Variants in TBCD observed in about 807,000 individuals in gnomAD.
TBCD encodes tubulin-specific chaperone D.
Under a neutral mutation model 169.3 loss-of-function variants are expected in TBCD, and 105 were observed. That is an observed-to-expected ratio of 0.62 (90% CI 0.53 to 0.73). TBCD has a LOEUF of 0.73. Ranked by LOEUF, TBCD falls within the 30% of genes least tolerant of loss-of-function variation. TBCD has a pLI of 0.00. For synonymous variants in TBCD, 700 were observed against 643.9 expected (o/e 1.09, Z -1.32); for missense variants, 1,444 against 1,600.1 (o/e 0.90, Z 1.66).
chr17:82,752,492 G>T, intron 1 of TBCD, 115 bp downstream of exon 1: 1 of 856,256 alleles, frequency 1.2e-6, no homozygotes, highest in Non-Finnish European at 1.5e-6. Flanking sequence ...TGCGAGGGCT[G>T]CCGGTGCGCG....
chr17:82,891,482 G>A (rs2059132580), intron 16 of TBCD, among the ~76,000 whole-genome samples: 1 of 152,246 alleles, frequency 6.6e-6, no homozygotes, highest in African/African-American at 2.4e-5. Flanking sequence ...AGAAATGCAA[G>A]ACGCGCAGGT....
At chr17:82,939,553 C>T in intron 37 of TBCD, 77 bp downstream of exon 37, 9 of 1,193,146 alleles carry the variant, frequency 7.5e-6, no homozygotes, top group Non-Finnish European at 1.1e-5. Context: ...GTCTACTCGT[C>T]TCTCCCAAAA....
intron 13 of TBCD, among the ~76,000 whole-genome samples, chr17:82,818,442 A>G (rs1158321252): frequency 6.6e-6 from 1 of 152,212 alleles, no homozygotes; most frequent in African/African-American, 2.4e-5. Flanking sequence ...ACCTCACACC[A>G]TTCCTCTGAG....
chr17:82,888,767 A>G (rs967879083), intron 15 of TBCD, among the ~76,000 whole-genome samples: 7 of 152,200 alleles, frequency 4.6e-5, no homozygotes, highest in African/African-American at 1.7e-4. Context: ...TGCTCCTCCC[A>G]GCAGCCATCG....
intron 14 of TBCD, among the ~76,000 whole-genome samples, chr17:82,872,886 TGGCCGAC>T: frequency 1.7e-5 from 2 of 118,430 alleles, no homozygotes; most frequent in Non-Finnish European, 3.6e-5. Flanking sequence ...CATCACCTGG[TGGCCGAC>T]GGCTTCTGAG....
At chr17:82,848,078 C>T (rs879674077) in intron 13 of TBCD, among the ~76,000 whole-genome samples, 6 of 152,200 alleles carry the variant, frequency 3.9e-5, no homozygotes, top group Admixed American at 3.3e-4. Flanking sequence ...GATGGGTGGG[C>T]GCGGCCCTGT....
chr17:82,754,548 C>T (rs1414329973), intron 1 of TBCD, among the ~76,000 whole-genome samples: 1 of 152,230 alleles, frequency 6.6e-6, no homozygotes, highest in African/African-American at 2.4e-5. Flanking sequence ...AGGCTCCTCT[C>T]CTCCTCCTAG....
intron 14 of TBCD, among the ~76,000 whole-genome samples, chr17:82,883,319 C>T (rs1464770102): frequency 4.6e-5 from 7 of 152,378 alleles, no homozygotes; most frequent in Admixed American, 2.0e-4. Flanking sequence ...TGGTAGGAGG[C>T]GCAATCTCTC....
chr17:82,899,326 C>A (rs934757277), intron 17 of TBCD, among the ~76,000 whole-genome samples: 1 of 149,916 alleles, frequency 6.7e-6, no homozygotes, highest in Admixed American at 6.6e-5. Flanking sequence ...TCAGCGCGCG[C>A]GTCCTCAGCT....
intron 14 of TBCD, among the ~76,000 whole-genome samples, chr17:82,878,476 A>G (rs1320349698): frequency 6.6e-6 from 1 of 152,096 alleles, no homozygotes; most frequent in African/African-American, 2.4e-5. Context: ...ACGACTGGCC[A>G]GATGTTCTGT....
chr17:82,829,055 GCACACACCCACAGATAGCACACA>G (rs1214148604), intron 13 of TBCD, among the ~76,000 whole-genome samples: 1 of 135,790 alleles, frequency 7.4e-6, no homozygotes. Context: ...GATCGAATGC[GCACACACCCACAGATAGCACACA>G]CGCACACCCA....
chr17:82,884,302 TC>T lies in TBCD; in HGVS notation c.1533+102del. 1 of 1,173,460 alleles carries T rather than the reference TC, an allele frequency of 8.5e-7. No individual in the cohort carries two copies. The highest frequency in any genetic ancestry group is 1.2e-6 in the Non-Finnish European group (1 of 808,400). The allele number at this position is 1,173,460 out of a possible 1,614,324, so 72.7% of individuals were successfully genotyped here. ...CACTGCTGCCTGGCCAGCTCACCCA[TC>T]CACAGCAGGAGCCGCGAGGGAGCTG... On this transcript the variant is annotated intron_variant, in intron 15 of 38. Transcript: ENST00000355528. This position sits in a 1 kb window ranked among gnomAD's most constrained non-coding sequence, Gnocchi z 4.2.
rs545667847 is a variant in TBCD at position 82,831,177 on chromosome 17, G to C, written c.1318+16243G>C. The C allele has an allele frequency of 3.0e-5, 49 of 1,614,052 alleles. No homozygotes were observed. In the East Asian group the frequency reaches 1.1e-3, roughly 36 times the overall value. On this transcript the variant is annotated intron_variant, in intron 13 of 38. Coordinates refer to ENST00000355528, the MANE Select transcript of TBCD (RefSeq NM_005993.5). This position sits in a 1 kb window ranked among gnomAD's most constrained non-coding sequence, Gnocchi z 4.6. ...TGGAGAGGTCGTACAGGCCTTCGCA[G>C]GTCTGGCTCGTCTGCATGAAGTCGG...
rs749225304 is a variant in TBCD at position 82,906,007 on chromosome 17, G to A, written c.1876G>A (p.Ala626Thr). ...GAGGCATGGGTCGATTCTCGCCTGC[G>A]CAGAAGTTGCTTACGCCTTGTACAA... ...HMRHGSILAC[A>T]EVAYALYKLA... The change falls in exon 20 of 39, where the codon GCA (alanine) becomes ACA (threonine). Residue 626 changes from alanine (A) to threonine (T), a missense_variant. Coordinates refer to ENST00000355528, the MANE Select transcript of TBCD (RefSeq NM_005993.5). 8.1e-6 allele frequency: 13 copies of A among 1,612,534 alleles called. No homozygotes were observed. Among genetic ancestry groups the A allele is most frequent in the East Asian group, 2.2e-5 (1 of 44,866 alleles).
At chr17:82,839,008 AG>A (rs2054229339) in intron 13 of TBCD, 2 of 981,604 alleles carry the variant, frequency 2.0e-6, no homozygotes, top group African/African-American at 3.5e-5. Context: ...ATTTCATATA[AG>A]GAAAAAAACC....
rs1445324265 is a variant in TBCD at position 82,782,262 on chromosome 17, G to A, written c.771+541G>A. Among the ~76,000 whole-genome samples the A allele has an allele frequency of 6.6e-6, 1 of 152,238 alleles. No individual in the cohort carries two copies. The highest frequency in any genetic ancestry group is 1.9e-4 in the East Asian group (1 of 5,174). ...TTGTGTTACCTTTTCTTGTGCTAAC[G>A]AGGAGGAAAGGTCAAGTCTCAGAAG... On this transcript the variant is annotated intron_variant, in intron 7 of 38. Transcript: ENST00000355528. The surrounding 1 kb of genome is among the most constrained non-coding windows in gnomAD (Gnocchi z 5.1).
intron 13 of TBCD, among the ~76,000 whole-genome samples, chr17:82,853,933 G>GC (rs1220519170): frequency 6.6e-6 from 1 of 151,778 alleles, no homozygotes; most frequent in Non-Finnish European, 1.5e-5. Flanking sequence ...TTCCTATTGG[G>GC]CCCCCAACCC....
chr17:82,840,953 GGTT>G (rs1305440379), intron 13 of TBCD, among the ~76,000 whole-genome samples: 19,434 of 69,742 alleles, frequency 0.28, 7,109 homozygotes, highest in South Asian at 0.36. Flanking sequence ...CAGACAAACT[GGTT>G]TTTTTTTTTT....
intron 6 of TBCD, among the ~76,000 whole-genome samples, chr17:82,779,021 TTTA>T (rs2048778428): frequency 6.6e-6 from 1 of 151,060 alleles, no homozygotes; most frequent in Non-Finnish European, 1.5e-5. Context: ...TATTTATTTA[TTTA>T]TTTATTTTTA....
Sources: gnomAD v4.1 joint callset for allele counts (sites outside exome capture counted in the v4.1 genomes callset) on GRCh38, gnomAD v4.1.1 for gene constraint, Gnocchi (gnomAD v3.1) non-coding constraint, MANE v1.5 for transcripts, NCBI Gene and HGNC (gene_info 2026-07-23, HGNC 2026-07-21) for gene names.